The following ZNF554 variants were observed in gnomAD, a reference collection of about 807,000 sequenced individuals.
The protein encoded by ZNF554 is zinc finger protein 554.
In ZNF554, 15 loss-of-function variants were observed where a neutral mutation model predicts 21.2. The ratio of observed to expected loss-of-function variants is 0.71; its 90% CI spans 0.47 to 1.09. The LOEUF is 1.09. Among genes scored for constraint, ZNF554 ranks in the 50% least tolerant of loss-of-function variants. The pLI, the probability that ZNF554 is intolerant of heterozygous loss-of-function variation, is 0.00. For synonymous variants in ZNF554, 258 were observed against 251.4 expected (o/e 1.03, Z -0.25); for missense variants, 691 against 662.7 (o/e 1.04, Z -0.47).
chr19:2,833,868 T>TC lies in ZNF554; in HGVS notation c.635dup (p.Gln213SerfsTer15), dbSNP rs1165049722. On this transcript the variant is annotated frameshift_variant, in exon 5 of 5. Transcript: ENST00000317243. LOFTEE classifies it low-confidence loss of function (END_TRUNC). ...AGGCATCCCTTCACGTAGTGGCCGT[T>TC]CCTCAGGAGAAGGCTACTGCATGGC... is the stretch of plus-strand genomic sequence containing the variant. The TC allele has an allele frequency of 6.2e-7, 1 of 1,613,130 alleles. No homozygotes were observed. Among genetic ancestry groups the TC allele is most frequent in the South Asian group, 1.1e-5 (1 of 91,038 alleles).
chr19:2,822,938 G>A, intron 1 of ZNF554, 102 bp from the exon 2 acceptor site: 1 of 1,200,538 alleles, frequency 8.3e-7, no homozygotes, highest in Non-Finnish European at 1.2e-6. Context: ...CTCTGTGTAT[G>A]GGGGGCCCCT....
At chr19:2,822,734 C>T (rs777518201) in intron 1 of ZNF554, among the ~76,000 whole-genome samples, 13 of 152,146 alleles carry the variant, frequency 8.5e-5, no homozygotes, top group African/African-American at 1.7e-4. Context: ...AAAAATTAGC[C>T]GGACATGGTG....
rs2087488775 is a variant in ZNF554, at chr19:2,835,548, T to A, written c.*696T>A. The A allele has an allele frequency of 1.3e-5, 2 of 151,856 alleles. No individual in the cohort carries two copies. The highest frequency in any genetic ancestry group is 2.9e-5 in the Non-Finnish European group (2 of 68,026). 9.4% of individuals were successfully genotyped at this position (151,856 alleles called of 1,614,324 possible). A position where few individuals can be genotyped will look rare whatever the true frequency, so the allele number is the denominator to read the frequency against. On this transcript the variant is annotated 3_prime_UTR_variant, in exon 5 of 5. Transcript: ENST00000317243. ...GGTCTTGAACTCCTGGGGTCAAGCA[T>A]CCTCCTGTCTTGGCCTCCCAAAGTG...
In ZNF554 at chr19:2,834,178, A is replaced by T. The variant is rs760409398; in HGVS notation, c.943A>T (p.Asn315Tyr). The change falls in exon 5 of 5, where the codon AAC (asparagine) becomes TAC (tyrosine). Residue 315 changes from asparagine (N) to tyrosine (Y), a missense_variant. Physicochemically the swap from Asn to Tyr is moderately radical, Grantham distance 143. Transcript: ENST00000317243. ...LNHGMALTIH[N>Y]KINTAEKPFE... ...CCACGGTATGGCCCTGACTATCCAC[A>T]ACAAAATCAACACGGCAGAGAAACC... 1 of 1,614,078 alleles carries T rather than the reference A, an allele frequency of 6.2e-7. No homozygotes were observed. The highest frequency in any genetic ancestry group is 1.1e-5 in the South Asian group (1 of 91,084).
rs758715185 is a variant in ZNF554 at position 2,836,644 on chromosome 19, C to T, written c.*1792C>T. On this transcript the variant is annotated 3_prime_UTR_variant, in exon 5 of 5. Transcript: ENST00000317243. ...TTATGTGTGATTTTGTGTTTTCTGC[C>T]GTTTCATTTTGTATTGCCATAATCA... Among the ~76,000 whole-genome samples the T allele has an allele frequency of 6.6e-6, 1 of 152,114 alleles. No individual in the cohort carries two copies. The highest frequency in any genetic ancestry group is 2.1e-4 in the South Asian group (1 of 4,826).
intron 4 of ZNF554, among the ~76,000 whole-genome samples, 174 bp downstream of exon 4, chr19:2,832,668 C>T (rs376547884): frequency 1.2e-4 from 18 of 152,294 alleles, no homozygotes; most frequent in Admixed American, 5.2e-4. Flanking sequence ...CCTTACATGA[C>T]CTCTCTCTGG....
At chr19:2,828,775 G>A (rs2087372096) in intron 3 of ZNF554, among the ~76,000 whole-genome samples, 1 of 152,032 alleles carries the variant, frequency 6.6e-6, no homozygotes, top group Non-Finnish European at 1.5e-5. Flanking sequence ...AGAAGGGGAA[G>A]CAGGCACCTT....
intron 3 of ZNF554, chr19:2,831,309 A>AT (rs60934991): frequency 0.21 from 30,415 of 142,062 alleles, 3,903 homozygotes; most frequent in East Asian, 0.47. Context: ...AAGATCTGTA[A>AT]TTTTTTTTTT....
chr19:2,834,705 AC>A lies in ZNF554; in HGVS notation c.1473del (p.Tyr492ThrfsTer75). Reference sequence around the variant, plus strand: ...ACGAGAGAACTCACACTGGAGAGAAACCCTACAGGTGTCAGGAATGTGGGAA... The same window carrying A: ...ACGAGAGAACTCACACTGGAGAGAAACCTACAGGTGTCAGGAATGTGGGAA... ...RHERTHTGEK[P>X]YRCQECGKAF... On this transcript the variant is annotated frameshift_variant, in exon 5 of 5. Transcript: ENST00000317243. LOFTEE classifies it low-confidence loss of function (END_TRUNC). The A allele has an allele frequency of 1.2e-6, 2 of 1,613,664 alleles. No homozygotes were observed. The highest frequency in any genetic ancestry group is 1.7e-6 in the Non-Finnish European group (2 of 1,179,854).
In ZNF554 at chr19:2,819,891, C is replaced by A; in HGVS notation, c.-181C>A. The A allele has an allele frequency of 2.9e-6, 1 of 341,746 alleles. No homozygotes were observed. The highest frequency in any genetic ancestry group is 5.1e-6 in the Non-Finnish European group (1 of 196,938). The allele number at this position is 341,746 out of a possible 1,614,324, so 21.2% of individuals were successfully genotyped here. ...GCAGTGCCGAGTTTACCTCTGCGCG[C>A]GTCGGGGTTGGTGGCGGCGGCTGCG... On this transcript the variant is annotated 5_prime_UTR_variant, in exon 1 of 5. Transcript: ENST00000317243.
Position 2,836,250 on chromosome 19 carries a change from G to A in ZNF554, c.*1398G>A, listed in dbSNP as rs1249894916. On this transcript the variant is annotated 3_prime_UTR_variant, in exon 5 of 5. Transcript: ENST00000317243. ...TGTGAGCCACCGTGCTGGGATTACGGGCGTGAGCCACTGTGCTGGGATTAC... is the reference window on the plus strand; with the variant it reads ...TGTGAGCCACCGTGCTGGGATTACGAGCGTGAGCCACTGTGCTGGGATTAC... Among the ~76,000 whole-genome samples the A allele has an allele frequency of 6.6e-6, 1 of 151,540 alleles. No homozygotes were observed.
chr19:2,828,154 G>C (rs375213035), intron 3 of ZNF554, among the ~76,000 whole-genome samples: 2 of 152,190 alleles, frequency 1.3e-5, no homozygotes, highest in African/African-American at 4.8e-5. Flanking sequence ...ATGTCATCTA[G>C]CATCTACTAT....
At chr19:2,833,493 C>T (rs911793080) in intron 4 of ZNF554, among the ~76,000 whole-genome samples, 188 bp from the exon 5 acceptor site, 1 of 152,204 alleles carries the variant, frequency 6.6e-6, no homozygotes, top group Non-Finnish European at 1.5e-5. Context: ...TCCACTGCTG[C>T]ATCTCATCCT....
In ZNF554 at chr19:2,834,514, A is replaced by G; in HGVS notation, c.1279A>G (p.Lys427Glu). ...CCAGAGCTCTTACCTGATCTTGCAC[A>G]AGAGGACACACACCGGAGAGAAGCC... The part of the protein sequence containing the change: ...FCQSSYLILH[K>E]RTHTGEKPYE... The change falls in exon 5 of 5, where the codon AAG (lysine) becomes GAG (glutamate). Residue 427 changes from lysine (K) to glutamate (E), a missense_variant. Lys to Glu is a moderately conservative substitution (Grantham distance 56). Coordinates refer to ENST00000317243, the MANE Select transcript of ZNF554 (RefSeq NM_001102651.2). 1 of 1,613,982 alleles carries G rather than the reference A, an allele frequency of 6.2e-7. No individual in the cohort carries two copies. Among genetic ancestry groups the G allele is most frequent in the South Asian group, 1.1e-5 (1 of 91,084 alleles).
chr19:2,829,663 A>G (rs1320236531), intron 3 of ZNF554, among the ~76,000 whole-genome samples: 3 of 152,084 alleles, frequency 2.0e-5, no homozygotes, highest in African/African-American at 7.2e-5. Flanking sequence ...GTATATATAC[A>G]TATATATATG....
rs577420438 is a variant in ZNF554 at position 2,832,396 on chromosome 19, C to T, written c.347C>T (p.Thr116Met). ...CAAGTCACTAGTCTTTCCTCATGGACGGGGTATTTACTTTTTCAACCAGTG... is the reference window on the plus strand; with the variant it reads ...CAAGTCACTAGTCTTTCCTCATGGATGGGGTATTTACTTTTTCAACCAGTG... ...TSQVTSLSSW[T>M]GYLLFQPVAS... The change falls in exon 4 of 5, where the codon ACG (threonine) becomes ATG (methionine). Residue 116 changes from threonine to methionine, a missense_variant. Coordinates refer to ENST00000317243, the MANE Select transcript of ZNF554 (RefSeq NM_001102651.2). 4.9e-5 allele frequency: 79 copies of T among 1,614,158 alleles called. No homozygotes were observed. In the East Asian group the frequency reaches 5.3e-4, roughly 11 times the overall value.
chr19:2,823,857 C>A (rs993467115), intron 2 of ZNF554, among the ~76,000 whole-genome samples: 1 of 152,014 alleles, frequency 6.6e-6, no homozygotes, highest in Non-Finnish European at 1.5e-5. Flanking sequence ...GGTTCATGGG[C>A]GGCCATGGGA....
chr19:2,820,063 CGCGCCCCGATGGTCACCT>C lies in ZNF554; in HGVS notation c.-2_16del. Reference sequence around the variant, plus strand: ...GGGGGCCCTGTCTGGCGCCTCAGCGCGCGCCCCGATGGTCACCTGCGCCCACCTGGGCCGGCGCGCGCG... The same window carrying C: ...GGGGGCCCTGTCTGGCGCCTCAGCGCGCGCCCACCTGGGCCGGCGCGCGCG... On this transcript the variant is annotated start_lost and 5_prime_UTR_variant, in exon 1 of 5. Transcript: ENST00000317243. 8.3e-7 allele frequency: 1 copy of C among 1,208,406 alleles called. No individual in the cohort carries two copies. The highest frequency in any genetic ancestry group is 1.0e-6 in the Non-Finnish European group (1 of 972,664). The allele number at this position is 1,208,406 out of a possible 1,614,324, so 74.9% of individuals were successfully genotyped here. A position where few individuals can be genotyped will look rare whatever the true frequency, so the allele number is the denominator to read the frequency against.
rs569127316 is a variant in ZNF554 at position 2,836,209 on chromosome 19, G to A, written c.*1357G>A. 4.7e-5 allele frequency among the ~76,000 whole-genome samples: 7 copies of A among 147,762 alleles called. No individual in the cohort carries two copies. Among genetic ancestry groups the A allele is most frequent in the South Asian group, 2.1e-4 (1 of 4,666 alleles). On this transcript the variant is annotated 3_prime_UTR_variant, in exon 5 of 5. Transcript: ENST00000317243. ...GCTGGGATTACGGGTGTGAGCCACCGTGCTGGTATTACGGGTGTGAGCCAC... is the reference window on the plus strand; with the variant it reads ...GCTGGGATTACGGGTGTGAGCCACCATGCTGGTATTACGGGTGTGAGCCAC...
Sources: gnomAD v4.1 joint callset for allele counts (sites outside exome capture counted in the v4.1 genomes callset) on GRCh38, gnomAD v4.1.1 for gene constraint, MANE v1.5 for transcripts, NCBI Gene and HGNC (gene_info 2026-07-23, HGNC 2026-07-21) for gene names.